STK32C: variants seen among roughly 807,000 people sequenced by gnomAD.
The protein encoded by STK32C is serine/threonine kinase 32C.
Under a neutral mutation model 56.5 loss-of-function variants are expected in STK32C, and 31 were observed. That is an observed-to-expected ratio of 0.55 (90% CI 0.41 to 0.74). STK32C has a LOEUF of 0.74. Among genes scored for constraint, STK32C ranks in the 30% least tolerant of loss-of-function variants. The pLI is 0.00. For synonymous variants in STK32C, 309 were observed against 289.4 expected, an observed-to-expected ratio of 1.07 and a Z score of -0.69; for missense variants, 544 against 676.9, an observed-to-expected ratio of 0.80 and a Z score of 2.18.
chr10:132,239,601 C>T (rs975248149), intron 2 of STK32C, among the ~76,000 whole-genome samples: 1 of 152,252 alleles, frequency 6.6e-6, no homozygotes, highest in Non-Finnish European at 1.5e-5. Flanking sequence ...AAACCAGAGC[C>T]TGTGCTGCTG....
chr10:132,249,165 G>A (rs1242849878), intron 1 of STK32C: 2 of 419,342 alleles, frequency 4.8e-6, no homozygotes, highest in South Asian at 3.4e-5. Flanking sequence ...CGTGCAGGGG[G>A]CGGGGCTATG....
intron 10 of STK32C, chr10:132,209,395 G>A (rs550677259): frequency 3.3e-5 from 21 of 637,582 alleles, no homozygotes; most frequent in Middle Eastern, 2.5e-4. Context: ...TGTTCTCTGC[G>A]GGACTTTGCT....
intron 1 of STK32C, among the ~76,000 whole-genome samples, chr10:132,300,876 G>C (rs2138366166): frequency 6.6e-6 from 1 of 152,334 alleles, no homozygotes; most frequent in East Asian, 1.9e-4. Context: ...AGCAGCAGGA[G>C]AAATGGTGGT....
chr10:132,287,835 A>G (rs1328296156), intron 1 of STK32C, among the ~76,000 whole-genome samples: 1 of 152,152 alleles, frequency 6.6e-6, no homozygotes, highest in Non-Finnish European at 1.5e-5. Context: ...TCTCCTCCAG[A>G]AGAGTACAAA....
intron 1 of STK32C, among the ~76,000 whole-genome samples, chr10:132,256,247 C>A (rs1036086326): frequency 6.6e-6 from 1 of 152,160 alleles, no homozygotes; most frequent in Non-Finnish European, 1.5e-5. Flanking sequence ...CAGGTACACA[C>A]CCAGAGCCCG....
At chr10:132,277,358 G>A (rs548817949) in intron 1 of STK32C, among the ~76,000 whole-genome samples, 14 of 152,240 alleles carry the variant, frequency 9.2e-5, no homozygotes, top group Admixed American at 1.3e-4. Flanking sequence ...ATTCCTGTGC[G>A]GGGAGGTGGC....
At chr10:132,220,307 T>C (rs373712382) in intron 10 of STK32C, among the ~76,000 whole-genome samples, 1 of 151,972 alleles carries the variant, frequency 6.6e-6, no homozygotes, top group African/African-American at 2.4e-5. Context: ...TACCGGAGGG[T>C]AGAGGGGCAA....
At chr10:132,287,470 C>A (rs530772846) in intron 1 of STK32C, among the ~76,000 whole-genome samples, 1 of 147,356 alleles carries the variant, frequency 6.8e-6, no homozygotes, top group Non-Finnish European at 1.5e-5. Flanking sequence ...CCAGCCTGGG[C>A]GACAGAGCGA....
At chr10:132,319,277 ATTTAT>A (rs1438709506), downstream of STK32C, among the ~76,000 whole-genome samples, 1 of 152,178 alleles carries the variant, frequency 6.6e-6, no homozygotes, top group African/African-American at 2.4e-5. Flanking sequence ...AAAACAGTTC[ATTTAT>A]TTTAAATTTA....
intron 2 of STK32C, among the ~76,000 whole-genome samples, chr10:132,241,771 T>A (rs1178779211): frequency 1.3e-5 from 2 of 152,154 alleles, no homozygotes; most frequent in East Asian, 3.9e-4. Context: ...CTCGACGGGC[T>A]GTCCACAAGC....
intron 1 of STK32C, among the ~76,000 whole-genome samples, chr10:132,286,165 A>T (rs1330455814): frequency 6.6e-6 from 1 of 152,158 alleles, no homozygotes; most frequent in Non-Finnish European, 1.5e-5. Flanking sequence ...TCATGCAACA[A>T]ACTCAACAGC....
In STK32C at chr10:132,290,505, G is replaced by A. The variant is rs566425539; in HGVS notation, c.262+17067C>T. Among the ~76,000 whole-genome samples the A allele has an allele frequency of 2.0e-4, 31 of 152,328 alleles. 1 individual carries two copies. In the South Asian group the frequency reaches 6.4e-3, roughly 32 times the overall value. On this transcript the variant is annotated intron_variant, in intron 1 of 11. Transcript: ENST00000298630. ...TGTGCACATGTGTGTATGCATGCAC[G>A]CTCATAGGAGAGTGACATCTCCAAA... is the stretch of plus-strand genomic sequence containing the variant.
At chr10:132,237,145 G>A (rs2063321797) in intron 2 of STK32C, among the ~76,000 whole-genome samples, 1 of 152,170 alleles carries the variant, frequency 6.6e-6, no homozygotes, top group South Asian at 2.1e-4. Flanking sequence ...CATTTTAAAT[G>A]CCCACTCCTG....
chr10:132,300,303 AAAT>A (rs2065874485), intron 1 of STK32C, among the ~76,000 whole-genome samples: 1 of 152,226 alleles, frequency 6.6e-6, no homozygotes, highest in Admixed American at 6.5e-5. Flanking sequence ...TTCAGAACTT[AAAT>A]AACATCGAGA....
chr10:132,236,007 A>G (rs1014768292), intron 2 of STK32C, among the ~76,000 whole-genome samples: 1 of 152,246 alleles, frequency 6.6e-6, no homozygotes, highest in African/African-American at 2.4e-5. Context: ...TGGCTGTAAC[A>G]GGATTGGTGT....
chr10:132,231,603 A>T (rs1314058223), intron 2 of STK32C, among the ~76,000 whole-genome samples: 2 of 152,352 alleles, frequency 1.3e-5, no homozygotes, highest in Middle Eastern at 3.4e-3. Context: ...AGCCACCAGG[A>T]GCCTCGGAAT....
At chr10:132,219,203 T>C (rs1334987150) in intron 10 of STK32C, among the ~76,000 whole-genome samples, 1 of 152,244 alleles carries the variant, frequency 6.6e-6, no homozygotes, top group East Asian at 1.9e-4. Flanking sequence ...GTATATTGCA[T>C]GGAATGTGAA....
At chr10:132,226,687 G>A in intron 4 of STK32C, 108 bp downstream of exon 4, 1 of 1,359,196 alleles carries the variant, frequency 7.4e-7, no homozygotes. Context: ...GGGCAGAGGA[G>A]CTAGACCCGC....
At chr10:132,287,249 T>A (rs529194411) in intron 1 of STK32C, among the ~76,000 whole-genome samples, 1 of 152,004 alleles carries the variant, frequency 6.6e-6, no homozygotes, top group East Asian at 2.0e-4. Context: ...TCCCAGCACT[T>A]TGGGAGGCCA....
Sources: gnomAD v4.1 joint callset for allele counts (sites outside exome capture counted in the v4.1 genomes callset) on GRCh38, gnomAD v4.1.1 for gene constraint, MANE v1.5 for transcripts, NCBI Gene and HGNC (gene_info 2026-07-23, HGNC 2026-07-21) for gene names.